ZSWIM7: variants seen among roughly 807,000 people sequenced by gnomAD.
ZSWIM7 encodes zinc finger SWIM-type containing 7, also known as zinc finger SWIM domain-containing protein 7.
Under a neutral mutation model 21.1 loss-of-function variants are expected in ZSWIM7, and 22 were observed. The ratio of observed to expected loss-of-function variants is 1.04; its 90% CI spans 0.74 to 1.49. The LOEUF (loss-of-function observed/expected upper bound fraction) is 1.49. Ranked by LOEUF, ZSWIM7 falls within the 40% of genes most tolerant of loss-of-function variation. The probability of loss-of-function intolerance (pLI) is 0.00; values close to 1 mark genes in which losing one functional copy is unlikely to be tolerated. For synonymous variants in ZSWIM7, 67 were observed against 66.5 expected (o/e 1.01, Z -0.04); for missense variants, 193 against 168.0 (o/e 1.15, Z -0.82).
chr17:15,992,564 C>T (rs570344535), intron 2 of ZSWIM7, among the ~76,000 whole-genome samples: 19 of 151,634 alleles, frequency 1.3e-4, no homozygotes, highest in Middle Eastern at 3.2e-3. Flanking sequence ...CTCAGCCTCC[C>T]GAATAGCTGG....
Position 15,991,913 on chromosome 17 carries a change from T to C in ZSWIM7, c.98+1844A>G, listed in dbSNP as rs538406197. On this transcript the variant is annotated intron_variant, in intron 2 of 4. Transcript: ENST00000399277. ...TCCTGGGACAGGTTTTGTTTTTTTT[T>C]GTTTGTTTTGTTTTGTTTTGTTTTT... Among the ~76,000 whole-genome samples, 5 of 61,042 alleles carry C rather than the reference T, an allele frequency of 8.2e-5. 1 individual carries two copies. The allele number at this position is 61,042 out of a possible 152,430, so 40.0% of individuals were successfully genotyped here. A position where few individuals can be genotyped will look rare whatever the true frequency, so the allele number is the denominator to read the frequency against.
chr17:15,994,398 C>G (rs1194196033), intron 1 of ZSWIM7, among the ~76,000 whole-genome samples: 1 of 152,130 alleles, frequency 6.6e-6, no homozygotes, highest in Non-Finnish European at 1.5e-5. Flanking sequence ...TGGGGAGAGT[C>G]AAGCACCAGC....
rs73978576 is a variant in ZSWIM7 at position 15,980,792 on chromosome 17, T to C, written c.306+248A>G. Reference sequence around the variant, plus strand: ...GTGCCCACTTCTGGGATTCCCTTTTTTTCCTTCTCAAAGCTTCACTCATGA... The same window carrying C: ...GTGCCCACTTCTGGGATTCCCTTTTCTTCCTTCTCAAAGCTTCACTCATGA... On this transcript the variant is annotated intron_variant, in intron 4 of 4. Coordinates refer to ENST00000399277, the MANE Select transcript of ZSWIM7 (RefSeq NM_001042697.2). Among the ~76,000 whole-genome samples, 1,014 of 152,334 alleles carry C rather than the reference T, an allele frequency of 6.7e-3. 10 individuals are homozygous for C. The highest frequency in any genetic ancestry group is 0.023 in the African/African-American group (975 of 41,570).
rs1454612237 is a variant in ZSWIM7 at position 15,995,297 on chromosome 17, C to T, written c.77-1519G>A. Among the ~76,000 whole-genome samples, 6 of 149,004 alleles carry T rather than the reference C, an allele frequency of 4.0e-5. No homozygotes were observed. In the South Asian group the frequency reaches 6.4e-4, roughly 16 times the overall value. ...TTTTTTTTTTTTTGAGACGGAGTTT[C>T]GCTCTTGTTGCCCAGGCTGGAGTAC... On this transcript the variant is annotated intron_variant, in intron 1 of 4. Transcript: ENST00000399277.
intron 3 of ZSWIM7, 40 bp downstream of exon 3, chr17:15,987,226 G>A (rs1423678568): frequency 9.3e-6 from 14 of 1,506,966 alleles, no homozygotes; most frequent in Non-Finnish European, 1.0e-5. Flanking sequence ...TTTGTCCTAA[G>A]GGGTTTCTGT....
chr17:15,986,498 T>C (rs1021754843), intron 3 of ZSWIM7, among the ~76,000 whole-genome samples: 8 of 151,984 alleles, frequency 5.3e-5, no homozygotes, highest in Admixed American at 1.3e-4. Flanking sequence ...CAATGGCTCA[T>C]GCCTGTAATC....
intron 3 of ZSWIM7, 47 bp downstream of exon 3, chr17:15,987,219 G>A: frequency 6.8e-7 from 1 of 1,466,344 alleles, no homozygotes. Context: ...AGAACATTTT[G>A]TCCTAAGGGG....
rs1970295575 is a variant in ZSWIM7 at position 15,977,689 on chromosome 17, G to A, written c.*358C>T. ...ACTGCACCCCAGCCTGGGCGACAAAGTGAGACTCCATCTCAAAAGAAAAAA... is the reference window on the plus strand; with the variant it reads ...ACTGCACCCCAGCCTGGGCGACAAAATGAGACTCCATCTCAAAAGAAAAAA... On this transcript the variant is annotated 3_prime_UTR_variant, in exon 5 of 5. Transcript: ENST00000399277. 6.4e-6 allele frequency: 1 copy of A among 155,676 alleles called. No homozygotes were observed. The highest frequency in any genetic ancestry group is 2.6e-5 in the African/African-American group (1 of 39,036). 9.6% of individuals were successfully genotyped at this position (155,676 alleles called of 1,614,324 possible).
At chr17:15,980,920 A>G (rs1970347350) in intron 4 of ZSWIM7, 120 bp downstream of exon 4, 2 of 681,350 alleles carry the variant, frequency 2.9e-6, no homozygotes, top group Middle Eastern at 2.6e-4. Flanking sequence ...CAAAGACAAA[A>G]AACTACCATT....
At chr17:15,998,441 C>G (rs534654223) in intron 1 of ZSWIM7, among the ~76,000 whole-genome samples, 8 of 152,182 alleles carry the variant, frequency 5.3e-5, no homozygotes, top group Non-Finnish European at 1.0e-4. Flanking sequence ...CAGTACAGTA[C>G]TTTTAAAACA....
chr17:15,987,026 C>T (rs536816018), intron 3 of ZSWIM7: 1 of 327,672 alleles, frequency 3.1e-6, no homozygotes, highest in East Asian at 5.3e-5. Context: ...TTTAGTTATT[C>T]TACAAGGTAT....
chr17:15,988,465 G>T (rs1970442620), intron 2 of ZSWIM7, among the ~76,000 whole-genome samples: 2 of 151,850 alleles, frequency 1.3e-5, no homozygotes, highest in African/African-American at 4.8e-5. Flanking sequence ...TCCCCCTTTA[G>T]TTTATGTAAC....
chr17:15,979,611 C>CG (rs1970324459), intron 4 of ZSWIM7, among the ~76,000 whole-genome samples: 1 of 141,830 alleles, frequency 7.1e-6, no homozygotes, highest in Non-Finnish European at 1.5e-5. Flanking sequence ...GCTGGCCAGG[C>CG]GGGGGGCTGA....
At chr17:15,986,302 C>T (rs1052322431) in intron 3 of ZSWIM7, among the ~76,000 whole-genome samples, 4 of 152,134 alleles carry the variant, frequency 2.6e-5, no homozygotes, top group Non-Finnish European at 4.4e-5. Context: ...CCTCGGCCTC[C>T]CAAAGTGCTG....
chr17:15,987,111 A>T (rs946323917), intron 3 of ZSWIM7, among the ~76,000 whole-genome samples, 155 bp downstream of exon 3: 1 of 152,260 alleles, frequency 6.6e-6, no homozygotes, highest in Non-Finnish European at 1.5e-5. Context: ...TAAAAATTTT[A>T]AAAAATTATC....
rs1443907991 is a variant in ZSWIM7, at chr17:15,999,703, G to A, written c.-109C>T. On this transcript the variant is annotated 5_prime_UTR_variant, in exon 1 of 5. Coordinates refer to ENST00000399277, the MANE Select transcript of ZSWIM7 (RefSeq NM_001042697.2). ...CCCCGCCGGGGCAGGGCGAGACGGA[G>A]TGACGTCGGGGCGCGTCATCGCGCG... is the stretch of plus-strand genomic sequence containing the variant. 6.4e-7 allele frequency: 1 copy of A among 1,553,124 alleles called. No homozygotes were observed. Among genetic ancestry groups the A allele is most frequent in the East Asian group, 2.4e-5 (1 of 41,662 alleles).
rs1597434838 is a variant in ZSWIM7 at position 15,976,745 on chromosome 17, A to G, written c.*1302T>C. On this transcript the variant is annotated 3_prime_UTR_variant, in exon 5 of 5. Coordinates refer to ENST00000399277, the MANE Select transcript of ZSWIM7 (RefSeq NM_001042697.2). The stretch of plus-strand genomic sequence containing the variant: ...GCTTTCTTAGGCTGTAAAATCACCT[A>G]TATCATCTGTCTGTCCACTGCTTCA... 1 of 152,150 alleles carries G rather than the reference A, an allele frequency of 6.6e-6. No individual in the cohort carries two copies. The highest frequency in any genetic ancestry group is 1.5e-5 in the Non-Finnish European group (1 of 68,022). 9.4% of individuals were successfully genotyped at this position (152,150 alleles called of 1,614,324 possible). A position where few individuals can be genotyped will look rare whatever the true frequency, so the allele number is the denominator to read the frequency against.
rs1414707317 is a variant in ZSWIM7 at position 15,979,678 on chromosome 17, C to G, written c.306+1362G>C. On this transcript the variant is annotated intron_variant, in intron 4 of 4. Transcript: ENST00000399277. Reference sequence around the variant, plus strand: ...GGCTGGGCGGAGGACTGACCCCCCCCACCTCCCTCCCGAATGGGGCGGCTG... The same window carrying G: ...GGCTGGGCGGAGGACTGACCCCCCCGACCTCCCTCCCGAATGGGGCGGCTG... 6.5e-4 allele frequency among the ~76,000 whole-genome samples: 87 copies of G among 133,176 alleles called. 3 individuals carry two copies. Among genetic ancestry groups the G allele is most frequent in the African/African-American group, 2.4e-3 (82 of 33,762 alleles). The allele number at this position is 133,176 out of a possible 152,430, so 87.4% of individuals were successfully genotyped here. A position where few individuals can be genotyped will look rare whatever the true frequency, so the allele number is the denominator to read the frequency against.
chr17:15,995,147 T>C (rs1426691317), intron 1 of ZSWIM7, among the ~76,000 whole-genome samples: 1 of 151,926 alleles, frequency 6.6e-6, no homozygotes. Context: ...TGAAAAAAAG[T>C]TATAAATTAA....
Sources: gnomAD v4.1 joint callset for allele counts (sites outside exome capture counted in the v4.1 genomes callset) on GRCh38, gnomAD v4.1.1 for gene constraint, MANE v1.5 for transcripts, NCBI Gene and HGNC (gene_info 2026-07-23, HGNC 2026-07-21) for gene names.